Variants in OR1J2 observed in about 807,000 individuals in gnomAD.
OR1J2 encodes olfactory receptor 1J2.
For missense variants in OR1J2, 304 were observed against 246.1 expected (o/e 1.24, Z -1.57); for synonymous variants, 142 against 99.7 (o/e 1.42, Z -2.52).
At chr9:122,517,872 C>G in the OR1J2 span, among the ~76,000 whole-genome samples, 9 of 152,258 alleles carry the variant, frequency 5.9e-5, no homozygotes, top group South Asian at 1.5e-3. Flanking sequence ...GCTCTCACCC[C>G]CTCAAGCTCC....
the OR1J2 span, among the ~76,000 whole-genome samples, chr9:122,450,625 C>T: frequency 6.6e-6 from 1 of 152,150 alleles, no homozygotes; most frequent in African/African-American, 2.4e-5. Flanking sequence ...CTCTTTCAGC[C>T]ATTTTGAAAT....
At chr9:122,528,701 CTG>C in the OR1J2 span, among the ~76,000 whole-genome samples, 1 of 152,190 alleles carries the variant, frequency 6.6e-6, no homozygotes, top group Admixed American at 6.5e-5. Context: ...AAAACTAAAA[CTG>C]AAGGCTTCTC....
the OR1J2 span, among the ~76,000 whole-genome samples, chr9:122,546,056 A>G: frequency 3.3e-5 from 5 of 152,098 alleles, no homozygotes; most frequent in Non-Finnish European, 7.4e-5. Context: ...CTTGTCGCTT[A>G]CATTCTCAGG....
At chr9:122,566,353 TA>T in the OR1J2 span, among the ~76,000 whole-genome samples, 126 of 152,326 alleles carry the variant, frequency 8.3e-4, no homozygotes, top group African/African-American at 2.8e-3. Context: ...CAACTGTGTA[TA>T]AAGATGAGGA....
At chr9:122,508,183 GGAA>G (rs60283794), upstream of OR1J2, among the ~76,000 whole-genome samples, 20,974 of 148,978 alleles carry the variant, frequency 0.14, 1,607 homozygotes, top group Middle Eastern at 0.17. Context: ...AAGGAGAAGG[GGAA>G]GAAGAAGAAG....
Position 122,511,045 on chromosome 9 carries a change from C to A in OR1J2, c.244C>A (p.Leu82Met), listed in dbSNP as rs760385807. The A allele has an allele frequency of 8.7e-5, 130 of 1,490,668 alleles. No homozygotes were observed. The highest frequency in any genetic ancestry group is 5.2e-4 in the Middle Eastern group (3 of 5,768). 92.3% of individuals were successfully genotyped at this position (1,490,668 alleles called of 1,614,324 possible). ...TTCATCTGTCACTGTCCCTAAGATG[C>A]TGATGGACATGCGGACTAAGTACAA... ...SFSSVTVPKM[L>M]MDMRTKYKSI... Residue 82 changes from leucine to methionine, a missense_variant, in exon 1 of 1, where the codon CTG becomes ATG. By Grantham distance (15) the Leu-to-Met change is conservative (BLOSUM62 2). Coordinates refer to ENST00000335302, the MANE Select transcript of OR1J2 (RefSeq NM_054107.1).
At chr9:122,450,487 A>G in the OR1J2 span, among the ~76,000 whole-genome samples, 1 of 152,172 alleles carries the variant, frequency 6.6e-6, no homozygotes, top group South Asian at 2.1e-4. Context: ...ATAAACATAT[A>G]TATTTGTGAG....
chr9:122,496,668 T>C, the OR1J2 span, among the ~76,000 whole-genome samples: 8 of 152,080 alleles, frequency 5.3e-5, no homozygotes, highest in African/African-American at 1.7e-4. Flanking sequence ...GTAACATATG[T>C]AAGATGAACA....
At chr9:122,476,761 A>G in the OR1J2 span, among the ~76,000 whole-genome samples, 1 of 151,694 alleles carries the variant, frequency 6.6e-6, no homozygotes, top group Non-Finnish European at 1.5e-5. Context: ...GCTGGAGTGC[A>G]GTGGCACGAT....
chr9:122,494,249 T>A, the OR1J2 span, among the ~76,000 whole-genome samples: 2 of 152,198 alleles, frequency 1.3e-5, no homozygotes, highest in Non-Finnish European at 2.9e-5. Flanking sequence ...ACTTTCTGTC[T>A]TGATAACCTG....
the OR1J2 span, among the ~76,000 whole-genome samples, chr9:122,571,730 A>T: frequency 6.6e-6 from 1 of 151,122 alleles, no homozygotes; most frequent in Admixed American, 6.6e-5. Context: ...AAAAAAAAAA[A>T]TTGACCATGC....
At chr9:122,455,975 G>A in the OR1J2 span, among the ~76,000 whole-genome samples, 1 of 152,184 alleles carries the variant, frequency 6.6e-6, no homozygotes, top group African/African-American at 2.4e-5. Context: ...AATGGTCTTA[G>A]CACCCAGGTT....
chr9:122,459,908 G>A, the OR1J2 span, among the ~76,000 whole-genome samples: 4 of 152,026 alleles, frequency 2.6e-5, no homozygotes, highest in Middle Eastern at 3.4e-3. Flanking sequence ...AAATAATTGC[G>A]GGTTTTGCCA....
the OR1J2 span, among the ~76,000 whole-genome samples, chr9:122,566,885 T>G: frequency 6.6e-6 from 1 of 152,198 alleles, no homozygotes; most frequent in African/African-American, 2.4e-5. Context: ...ATGGATAATT[T>G]CCATGTTATC....
At chr9:122,531,329 A>G in the OR1J2 span, among the ~76,000 whole-genome samples, 1 of 152,244 alleles carries the variant, frequency 6.6e-6, no homozygotes, top group Non-Finnish European at 1.5e-5. Context: ...GGATAGCACC[A>G]GGAGATATCA....
At chr9:122,553,764 A>G in the OR1J2 span, 2 of 1,613,796 alleles carry the variant, frequency 1.2e-6, no homozygotes, top group Non-Finnish European at 1.7e-6. Flanking sequence ...TTGTGATCCT[A>G]GTGCTCTCCT....
chr9:122,459,007 C>A, the OR1J2 span, among the ~76,000 whole-genome samples: 1 of 152,130 alleles, frequency 6.6e-6, no homozygotes, highest in African/African-American at 2.4e-5. Context: ...TTCTACTCTA[C>A]CTCCATGAGG....
At chr9:122,488,670 GA>G in the OR1J2 span, among the ~76,000 whole-genome samples, 5 of 152,280 alleles carry the variant, frequency 3.3e-5, no homozygotes, top group African/African-American at 1.2e-4. Context: ...AGAATCTTCA[GA>G]AACCTGCTAC....
the OR1J2 span, among the ~76,000 whole-genome samples, chr9:122,565,333 C>T: frequency 6.6e-6 from 1 of 152,180 alleles, no homozygotes; most frequent in Non-Finnish European, 1.5e-5. Context: ...AGCATGACCT[C>T]AGAAGGGGAG....
Sources: allele counts gnomAD v4.1 joint callset (sites outside exome capture counted in the v4.1 genomes callset), GRCh38; gene constraint gnomAD v4.1.1; transcripts MANE v1.5; gene names NCBI Gene and HGNC (gene_info 2026-07-23, HGNC 2026-07-21).